The following SORBS2 variants were observed in gnomAD, a reference collection of about 807,000 sequenced individuals.
SORBS2 encodes the protein sorbin and SH3 domain-containing protein 2.
A neutral mutation model predicts 97.7 loss-of-function variants in SORBS2; 46 were observed. The ratio of observed to expected loss-of-function variants is 0.47; its 90% confidence interval spans 0.37 to 0.60. The LOEUF is 0.60. Ranked by LOEUF, SORBS2 falls within the 20% of genes least tolerant of loss-of-function variation. The pLI is 0.00. For missense variants in SORBS2, 1,316 were observed against 1,282.3 expected, an observed-to-expected ratio of 1.03 and a Z score of -0.40; for synonymous variants, 476 against 473.4, an observed-to-expected ratio of 1.01 and a Z score of -0.07.
At chr4:185,672,142 C>G (rs888044835) in intron 4 of SORBS2, among the ~76,000 whole-genome samples, 1 of 152,222 alleles carries the variant, frequency 6.6e-6, no homozygotes, top group African/African-American at 2.4e-5. Context: ...TGCAGTTCTG[C>G]ACCTATTATC....
intron 1 of SORBS2, among the ~76,000 whole-genome samples, chr4:185,830,270 A>C (rs1415377778): frequency 6.6e-6 from 1 of 152,194 alleles, no homozygotes; most frequent in Non-Finnish European, 1.5e-5. Flanking sequence ...CTCTCAAATC[A>C]TAGTTTGGAG....
intron 12 of SORBS2, among the ~76,000 whole-genome samples, chr4:185,594,638 G>A (rs1176069968): frequency 6.6e-6 from 1 of 152,104 alleles, no homozygotes; most frequent in Non-Finnish European, 1.5e-5. Flanking sequence ...TTTAAACTAA[G>A]CATCAAGACC....
intron 4 of SORBS2, among the ~76,000 whole-genome samples, chr4:185,637,516 G>T (rs2097034427): frequency 6.6e-6 from 1 of 152,222 alleles, no homozygotes; most frequent in East Asian, 1.9e-4. Flanking sequence ...AGTGAGAACT[G>T]CCCAGAGATT....
chr4:185,761,134 C>A (rs1307547662), intron 2 of SORBS2, among the ~76,000 whole-genome samples: 1 of 152,200 alleles, frequency 6.6e-6, no homozygotes, highest in Non-Finnish European at 1.5e-5. Context: ...TTAACTCCTT[C>A]CATGCCCCAA....
chr4:185,649,366 G>A (rs573212952), intron 3 of SORBS2, 101 bp downstream of exon 12: 20 of 953,584 alleles, frequency 2.1e-5, no homozygotes, highest in South Asian at 6.0e-5. Flanking sequence ...TTACACATCC[G>A]CTCTCTCTGT....
At chr4:185,837,312 C>T (rs997568825) in intron 1 of SORBS2, among the ~76,000 whole-genome samples, 2 of 152,118 alleles carry the variant, frequency 1.3e-5, no homozygotes, top group African/African-American at 4.8e-5. Flanking sequence ...GACTTTCCAG[C>T]AAGCATTGCA....
intron 9 of SORBS2, among the ~76,000 whole-genome samples, chr4:185,616,462 G>A (rs1467609362): frequency 6.6e-6 from 1 of 152,114 alleles, no homozygotes; most frequent in East Asian, 1.9e-4. Flanking sequence ...AGAAAACAAA[G>A]CAAAGCAAGA....
At chr4:185,894,084 T>C (rs1018978834) in intron 1 of SORBS2, among the ~76,000 whole-genome samples, 1 of 152,166 alleles carries the variant, frequency 6.6e-6, no homozygotes, top group African/African-American at 2.4e-5. Context: ...CCAGCCCCTC[T>C]GAATACCGAT....
Position 185,652,731 on chromosome 4 carries a change from G to A in SORBS2, c.25-3C>T, listed in dbSNP as rs1268331668. 1 of 1,612,766 alleles carries A rather than the reference G, an allele frequency of 6.2e-7. No homozygotes were observed. Among genetic ancestry groups the A allele is most frequent in the African/African-American group, 1.3e-5 (1 of 74,904 alleles). On this transcript the variant is annotated splice_polypyrimidine_tract_variant and splice_region_variant and intron_variant, in intron 1 of 14. Transcript: ENST00000418609. ...CAGTCCTTGGGCCGGTCGACTGTCT[G>A]TAATGAAGAGAGCGTCCAATGGTTA...
At chr4:185,905,511 A>C (rs1468443679) in intron 1 of SORBS2, among the ~76,000 whole-genome samples, 1 of 152,210 alleles carries the variant, frequency 6.6e-6, no homozygotes, top group African/African-American at 2.4e-5. Flanking sequence ...CCTTCCTAAA[A>C]CAAACATAAC....
intron 1 of SORBS2, among the ~76,000 whole-genome samples, chr4:185,784,365 C>T (rs1002143237): frequency 2.2e-4 from 34 of 152,144 alleles, no homozygotes; most frequent in African/African-American, 7.7e-4. Flanking sequence ...CTCCTGACCT[C>T]GTGATCCGCC....
intron 1 of SORBS2, among the ~76,000 whole-genome samples, chr4:185,845,682 G>C (rs1459526395): frequency 6.6e-6 from 1 of 151,968 alleles, no homozygotes; most frequent in Non-Finnish European, 1.5e-5. Flanking sequence ...AATATATAAA[G>C]AATGTACACA....
intron 1 of SORBS2, among the ~76,000 whole-genome samples, chr4:185,852,766 T>A (rs901706754): frequency 3.9e-5 from 6 of 152,194 alleles, no homozygotes; most frequent in Non-Finnish European, 8.8e-5. Context: ...TAGAGGCATG[T>A]GGACTGAAAC....
rs190011629 is a variant in SORBS2, at chr4:185,607,349, A to G, written c.2796+4431T>C. Reference sequence around the variant, plus strand: ...GGAGGGGCTGGTTCACTGGAAGCCAACTTGGAAATGAGCACGGATTATGAA... The same window carrying G: ...GGAGGGGCTGGTTCACTGGAAGCCAGCTTGGAAATGAGCACGGATTATGAA... On this transcript the variant is annotated intron_variant, in intron 12 of 14. Coordinates refer to ENST00000418609, the Ensembl canonical transcript of SORBS2. The surrounding 1 kb of genome is among the most constrained non-coding windows in gnomAD (Gnocchi z 5.2). 28 of 1,285,998 alleles carry G rather than the reference A, an allele frequency of 2.2e-5. No homozygotes were observed. In the Admixed American group the frequency reaches 5.3e-4, roughly 24 times the overall value. The allele number at this position is 1,285,998 out of a possible 1,614,324, so 79.7% of individuals were successfully genotyped here.
At position 185,638,773 on chromosome 4, in the gene SORBS2, C is replaced by T. The variant is rs555353675; in HGVS notation, c.396+7895G>A. On this transcript the variant is annotated intron_variant, in intron 4 of 14. Transcript: ENST00000418609. ...GAAGATTCTGGGGCCTGGATGGGTG[C>T]GAGCGGGACCCGGGGGAGTGGGAGT... 9.3e-5 allele frequency: 104 copies of T among 1,120,832 alleles called. No individual in the cohort carries two copies. In the African/African-American group the frequency reaches 1.4e-3, roughly 15 times the overall value. The allele number at this position is 1,120,832 out of a possible 1,614,324, so 69.4% of individuals were successfully genotyped here.
chr4:185,716,624 CTTGGT>C (rs1478664060), intron 2 of SORBS2, among the ~76,000 whole-genome samples: 2 of 152,124 alleles, frequency 1.3e-5, no homozygotes, highest in Non-Finnish European at 1.5e-5. Context: ...TCTACTAAAT[CTTGGT>C]TTGAAGGATG....
chr4:185,760,073 A>G (rs1228248063), intron 2 of SORBS2, among the ~76,000 whole-genome samples: 3 of 152,210 alleles, frequency 2.0e-5, no homozygotes, highest in Non-Finnish European at 2.9e-5. Flanking sequence ...TGCCATTTCA[A>G]TTTTAACTTT....
chr4:185,709,442 T>G (rs1264929484), intron 2 of SORBS2, among the ~76,000 whole-genome samples: 1 of 152,084 alleles, frequency 6.6e-6, no homozygotes, highest in Non-Finnish European at 1.5e-5. Flanking sequence ...TAATTATTGG[T>G]GACTTTCTCT....
intron 2 of SORBS2, among the ~76,000 whole-genome samples, chr4:185,739,226 C>G (rs1277471120): frequency 6.6e-6 from 1 of 152,090 alleles, no homozygotes; most frequent in Non-Finnish European, 1.5e-5. Context: ...ATTACATTCA[C>G]AAAGTCAAAA....
Sources: gnomAD v4.1 joint callset for allele counts (sites outside exome capture counted in the v4.1 genomes callset) on GRCh38, gnomAD v4.1.1 for gene constraint, Gnocchi (gnomAD v3.1) non-coding constraint, MANE v1.5 for transcripts, NCBI Gene and HGNC (gene_info 2026-07-23, HGNC 2026-07-21) for gene names.